Variants in WWOX observed in about 807,000 individuals in gnomAD.
WWOX encodes the protein WW domain-containing oxidoreductase.
In WWOX, 69 loss-of-function variants were observed where a neutral mutation model predicts 46.2. The ratio of observed to expected loss-of-function variants is 1.49; its 90% CI spans 1.23 to 1.82. WWOX has a LOEUF of 1.82. Among genes scored for constraint, WWOX ranks in the 40% most tolerant of loss-of-function variants. WWOX has a pLI of 0.00. For synonymous variants in WWOX, 359 were observed against 202.6 expected (o/e 1.77, Z -6.56); for missense variants, 919 against 542.6 (o/e 1.69, Z -6.89).
intron 8 of WWOX, among the ~76,000 whole-genome samples, chr16:78,883,503 C>A (rs2044386854): frequency 1.3e-5 from 2 of 152,058 alleles, no homozygotes; most frequent in South Asian, 2.1e-4. Flanking sequence ...GCAAGCTGAT[C>A]ACTTGAGGTC....
chr16:78,768,432 A>G (rs970609048), intron 8 of WWOX, among the ~76,000 whole-genome samples: 9 of 152,216 alleles, frequency 5.9e-5, no homozygotes, highest in Non-Finnish European at 1.0e-4. Context: ...TCTACTAAAA[A>G]TACAACAATT....
intron 6 of WWOX, among the ~76,000 whole-genome samples, chr16:78,409,859 C>G (rs2082635790): frequency 1.3e-5 from 2 of 152,174 alleles, no homozygotes; most frequent in Admixed American, 1.3e-4. Context: ...TCCCTCTAGC[C>G]ACAATCGGGA....
intron 5 of WWOX, among the ~76,000 whole-genome samples, chr16:78,327,562 T>C (rs2080653789): frequency 6.6e-6 from 1 of 152,150 alleles, no homozygotes; most frequent in Non-Finnish European, 1.5e-5. Flanking sequence ...TCCAATCATT[T>C]GGGGTATTAG....
At chr16:78,461,370 CA>C (rs1373871317) in intron 8 of WWOX, among the ~76,000 whole-genome samples, 1 of 148,788 alleles carries the variant, frequency 6.7e-6, no homozygotes, top group Non-Finnish European at 1.5e-5. Context: ...GGAGAAAAAA[CA>C]AACAAACAAA....
chr16:79,158,474 C>T (rs183157804), intron 8 of WWOX, among the ~76,000 whole-genome samples: 4 of 149,386 alleles, frequency 2.7e-5, no homozygotes, highest in Non-Finnish European at 5.9e-5. Flanking sequence ...TAAACCCCTT[C>T]ATGGCTTCCC....
intron 8 of WWOX, among the ~76,000 whole-genome samples, chr16:78,672,276 C>G (rs1443051506): frequency 2.0e-5 from 3 of 152,214 alleles, no homozygotes; most frequent in Non-Finnish European, 4.4e-5. Context: ...ACTGTCCCAA[C>G]CACATGCAAA....
At chr16:78,466,867 A>AT (rs1286871326) in intron 8 of WWOX, among the ~76,000 whole-genome samples, 1 of 151,938 alleles carries the variant, frequency 6.6e-6, no homozygotes, top group Non-Finnish European at 1.5e-5. Context: ...AGCACAAAAA[A>AT]TTTTTTTCTT....
chr16:78,124,847 T>C (rs1457631438), intron 4 of WWOX, among the ~76,000 whole-genome samples: 1 of 152,168 alleles, frequency 6.6e-6, no homozygotes, highest in African/African-American at 2.4e-5. Flanking sequence ...AAGACAAGGT[T>C]TCTTCACTAG....
At chr16:79,155,395 TG>T (rs947132021) in intron 8 of WWOX, among the ~76,000 whole-genome samples, 5 of 150,114 alleles carry the variant, frequency 3.3e-5, no homozygotes, top group East Asian at 2.0e-4. Flanking sequence ...ACAAAAAAGG[TG>T]GGGGGGTGGG....
intron 8 of WWOX, among the ~76,000 whole-genome samples, chr16:78,991,485 C>A (rs566110621): frequency 2.0e-5 from 3 of 151,344 alleles, no homozygotes; most frequent in African/African-American, 7.3e-5. Flanking sequence ...CCTGTAGTCC[C>A]AGCTACTCAG....
At chr16:78,113,467 T>C (rs1466341820) in intron 3 of WWOX, among the ~76,000 whole-genome samples, 1 of 152,218 alleles carries the variant, frequency 6.6e-6, no homozygotes, top group African/African-American at 2.4e-5. Flanking sequence ...TAAAACTTTA[T>C]TTACAGAAAC....
chr16:78,408,638 G>C (rs1416458109), intron 6 of WWOX, among the ~76,000 whole-genome samples: 1 of 152,222 alleles, frequency 6.6e-6, no homozygotes, highest in Non-Finnish European at 1.5e-5. Flanking sequence ...GAAGGAACTT[G>C]TGTCATTCCG....
At chr16:78,946,130 A>C (rs1448190721) in intron 8 of WWOX, among the ~76,000 whole-genome samples, 1 of 152,048 alleles carries the variant, frequency 6.6e-6, no homozygotes, top group East Asian at 1.9e-4. Context: ...ATTTTACTTT[A>C]ATTCCCCCTA....
intron 5 of WWOX, among the ~76,000 whole-genome samples, chr16:78,308,879 C>G (rs990846028): frequency 6.6e-6 from 1 of 152,112 alleles, no homozygotes; most frequent in Non-Finnish European, 1.5e-5. Context: ...TTGAATCTAC[C>G]TGATACGGTT....
At chr16:78,756,916 A>C in intron 8 of WWOX, 1 of 703,078 alleles carries the variant, frequency 1.4e-6, no homozygotes, top group Non-Finnish European at 2.6e-6. Flanking sequence ...CTTCTGCCTT[A>C]CTGATGTGGA....
intron 8 of WWOX, among the ~76,000 whole-genome samples, chr16:78,567,972 A>G (rs149139402): frequency 6.6e-6 from 1 of 152,222 alleles, no homozygotes; most frequent in East Asian, 1.9e-4. Context: ...TATAATGGAA[A>G]ATGTGTTGCC....
chr16:79,002,240 T>TTTTTGTTG (rs2047108008), intron 8 of WWOX, among the ~76,000 whole-genome samples: 1 of 91,754 alleles, frequency 1.1e-5, no homozygotes, highest in African/African-American at 4.1e-5. Flanking sequence ...TTTTTTTTTT[T>TTTTTGTTG]GAGATGGAGT....
chr16:78,435,887 G>T (rs72797986), intron 8 of WWOX, among the ~76,000 whole-genome samples: 6,133 of 152,246 alleles, frequency 0.04, 178 homozygotes, highest in South Asian at 0.15. Context: ...AATAATGATG[G>T]ATATAGAATT....
intron 6 of WWOX, among the ~76,000 whole-genome samples, chr16:78,424,113 T>TG (rs1349500656): frequency 6.9e-5 from 10 of 144,100 alleles, no homozygotes; most frequent in African/African-American, 1.3e-4. Flanking sequence ...TTTTCTTTTT[T>TG]TTTTTTGTTT....
Sources: allele counts gnomAD v4.1 joint callset (sites outside exome capture counted in the v4.1 genomes callset), GRCh38; gene constraint gnomAD v4.1.1; transcripts MANE v1.5; gene names NCBI Gene and HGNC (gene_info 2026-07-23, HGNC 2026-07-21).